SETBP1: variants seen among roughly 807,000 people sequenced by gnomAD.
SETBP1 encodes the protein SET binding protein 1, also known as SET-binding protein.
A neutral mutation model predicts 101.0 loss-of-function variants in SETBP1; 9 were observed. That is an observed-to-expected ratio of 0.09 (90% CI 0.05 to 0.16). The LOEUF (loss-of-function observed/expected upper bound fraction) is 0.16, where lower values mean the gene tolerates loss of function less well. Ranked by LOEUF, SETBP1 falls within the 10% of genes least tolerant of loss-of-function variation. The pLI, the probability that SETBP1 is intolerant of heterozygous loss-of-function variation, is 1.00. For synonymous variants in SETBP1, 818 were observed against 788.5 expected (o/e 1.04, Z -0.63); for missense variants, 1,858 against 2,033.8 (o/e 0.91, Z 1.66).
chr18:45,017,394 G>T (rs1425476502), intron 4 of SETBP1, among the ~76,000 whole-genome samples: 1 of 152,126 alleles, frequency 6.6e-6, no homozygotes, highest in Non-Finnish European at 1.5e-5. Flanking sequence ...GCCTCTTTTG[G>T]CAGGAAAATG....
At chr18:44,997,298 G>C (rs770030149) in intron 4 of SETBP1, among the ~76,000 whole-genome samples, 1 of 152,114 alleles carries the variant, frequency 6.6e-6, no homozygotes, top group Non-Finnish European at 1.5e-5. Context: ...CTGCCATCTC[G>C]GGACTGCACT....
At chr18:44,992,342 A>G (rs919141567) in intron 4 of SETBP1, among the ~76,000 whole-genome samples, 9 of 152,102 alleles carry the variant, frequency 5.9e-5, no homozygotes, top group African/African-American at 2.2e-4. Flanking sequence ...TTGATTTTTA[A>G]AAAATTGCTT....
chr18:44,778,745 G>A (rs76210398), intron 2 of SETBP1, among the ~76,000 whole-genome samples: 2 of 152,216 alleles, frequency 1.3e-5, no homozygotes, highest in African/African-American at 2.4e-5. Flanking sequence ...GGAGTGAGGA[G>A]CCTGCGGAAG....
chr18:44,877,277 A>G, intron 3 of SETBP1: 1 of 672,490 alleles, frequency 1.5e-6, no homozygotes, highest in Non-Finnish European at 1.8e-6. Flanking sequence ...GTCTTATAGT[A>G]TTTTACCAAA....
At chr18:44,773,971 T>C (rs2070938415) in intron 2 of SETBP1, among the ~76,000 whole-genome samples, 1 of 151,998 alleles carries the variant, frequency 6.6e-6, no homozygotes, top group African/African-American at 2.4e-5. Context: ...TCTAGTTTCC[T>C]ACCACAACCA....
chr18:44,732,597 A>G (rs543774868), intron 2 of SETBP1: 3 of 152,332 alleles, frequency 2.0e-5, no homozygotes, highest in East Asian at 1.9e-4. Context: ...TTAGCCCTCA[A>G]TGCATATACT....
chr18:44,945,109 C>A (rs1387176295), intron 3 of SETBP1, among the ~76,000 whole-genome samples: 1 of 152,118 alleles, frequency 6.6e-6, no homozygotes, highest in East Asian at 1.9e-4. Context: ...ATTAACTCGT[C>A]ATTTACATTA....
intron 4 of SETBP1, among the ~76,000 whole-genome samples, chr18:44,972,931 G>A (rs2071901222): frequency 6.6e-6 from 1 of 152,206 alleles, no homozygotes; most frequent in Non-Finnish European, 1.5e-5. Flanking sequence ...GGAGTGGTGA[G>A]AGAGGGCATC....
intron 3 of SETBP1, among the ~76,000 whole-genome samples, chr18:44,915,316 G>T (rs985820857): frequency 6.6e-6 from 1 of 152,178 alleles, no homozygotes; most frequent in African/African-American, 2.4e-5. Context: ...GCTCAGGGAA[G>T]AATTATGAAT....
In SETBP1 at chr18:45,063,674, G is replaced by C. The variant is rs770520433; in HGVS notation, c.4767G>C (p.Gly1589=). The C allele has an allele frequency of 3.7e-6, 6 of 1,608,512 alleles. No homozygotes were observed. In the East Asian group the frequency reaches 1.1e-4, roughly 30 times the overall value. ...VKAKRQRKSR[G]SESEVLP ...CCAAAAGGCAGAGGAAGTCCCGAGGGAGTGAGAGCGAGGTCCTTCCCTAGG... is the reference window on the plus strand; with the variant it reads ...CCAAAAGGCAGAGGAAGTCCCGAGGCAGTGAGAGCGAGGTCCTTCCCTAGG... The change falls in exon 6 of 6, where the codon GGG becomes GGC. Residue 1589 remains glycine (G), a synonymous_variant. Transcript: ENST00000649279.
intron 3 of SETBP1, among the ~76,000 whole-genome samples, chr18:44,928,069 A>G (rs550159805): frequency 6.6e-6 from 1 of 152,196 alleles, no homozygotes; most frequent in South Asian, 2.1e-4. Flanking sequence ...TCCTAGTGCT[A>G]TCCCTCACGC....
chr18:44,830,220 A>G (rs978147752), intron 2 of SETBP1, among the ~76,000 whole-genome samples: 15 of 152,168 alleles, frequency 9.9e-5, no homozygotes, highest in Admixed American at 9.2e-4. Context: ...TCCACACAGC[A>G]TTTTCCAAAC....
chr18:45,016,936 C>G (rs1034945118), intron 4 of SETBP1, among the ~76,000 whole-genome samples: 2 of 152,120 alleles, frequency 1.3e-5, no homozygotes, highest in African/African-American at 4.8e-5. Flanking sequence ...TCTCCTTTCA[C>G]GGCTGCGTGG....
intron 3 of SETBP1, among the ~76,000 whole-genome samples, chr18:44,891,834 G>A (rs1055721651): frequency 6.6e-6 from 1 of 152,004 alleles, no homozygotes; most frequent in Non-Finnish European, 1.5e-5. Flanking sequence ...TAGGTCACAT[G>A]TCTTTCACAG....
chr18:44,878,880 TG>T (rs1414144158), intron 3 of SETBP1, among the ~76,000 whole-genome samples: 2 of 152,176 alleles, frequency 1.3e-5, no homozygotes, highest in Non-Finnish European at 2.9e-5. Flanking sequence ...AGCTCTCACA[TG>T]GCTTTTTGCA....
intron 4 of SETBP1, among the ~76,000 whole-genome samples, chr18:44,996,507 A>T (rs1444385995): frequency 6.6e-6 from 1 of 152,192 alleles, no homozygotes; most frequent in Admixed American, 6.5e-5. Context: ...TACAGACTGG[A>T]TTTTAACTCT....
intron 4 of SETBP1, chr18:44,986,456 TTTC>T (rs1274225677): frequency 6.6e-6 from 1 of 152,226 alleles, no homozygotes; most frequent in Non-Finnish European, 1.5e-5. Context: ...AAAAAATTTC[TTTC>T]TTCATTAATA....
chr18:44,875,253 G>A (rs1174584674), intron 3 of SETBP1, among the ~76,000 whole-genome samples: 1 of 152,098 alleles, frequency 6.6e-6, no homozygotes, highest in Non-Finnish European at 1.5e-5. Context: ...GGGTGCGGTG[G>A]CTCTTGACTG....
chr18:44,991,874 C>T (rs2072385972), intron 4 of SETBP1, among the ~76,000 whole-genome samples: 1 of 152,240 alleles, frequency 6.6e-6, no homozygotes, highest in Non-Finnish European at 1.5e-5. Context: ...AAATTGATGA[C>T]ATACTGGGCT....
Sources: gnomAD v4.1 joint callset for allele counts (sites outside exome capture counted in the v4.1 genomes callset) on GRCh38, gnomAD v4.1.1 for gene constraint, MANE v1.5 for transcripts, NCBI Gene and HGNC (gene_info 2026-07-23, HGNC 2026-07-21) for gene names.